PLB1: variants seen among roughly 807,000 people sequenced by gnomAD.
The protein encoded by PLB1 is phospholipase B1, also known as phospholipase B1, membrane-associated.
Under a neutral mutation model 227.4 loss-of-function variants are expected in PLB1, and 242 were observed. The observed-to-expected ratio is 1.06, with a 90% CI of 0.96 to 1.18. PLB1 has a LOEUF of 1.18. Among genes scored for constraint, PLB1 ranks in the 50% most tolerant of loss-of-function variants. The pLI, the probability that PLB1 is intolerant of heterozygous loss-of-function variation, is 0.00. For missense variants in PLB1, 1,858 were observed against 1,816.3 expected, an observed-to-expected ratio of 1.02 and a Z score of -0.42; for synonymous variants, 757 against 682.2, an observed-to-expected ratio of 1.11 and a Z score of -1.71.
At chr2:28,575,975 C>T (rs1297856118) in intron 21 of PLB1, among the ~76,000 whole-genome samples, 1 of 152,102 alleles carries the variant, frequency 6.6e-6, no homozygotes, top group Middle Eastern at 3.2e-3. Context: ...CATATGTGGG[C>T]TGGTAGTATA....
rs142972476 is a variant in PLB1 at position 28,543,216 on chromosome 2, A to T, written c.884A>T (p.Asp295Val). The stretch of plus-strand genomic sequence containing the variant: ...TGTCAACTGGTTCTCTTTTAGGAGG[A>T]CCCCCGACTCCAGGATTCTACCACG... Reference protein sequence around the residue: ...YETTPSLHSEDPRLQDSTTLA... With the variant: ...YETTPSLHSEVPRLQDSTTLA... The change falls in exon 14 of 58, where the codon GAC (aspartate) becomes GTC (valine). Residue 295 changes from aspartate (D) to valine (V), a missense_variant. By Grantham distance (152) the Asp-to-Val change is radical (BLOSUM62 -3). Coordinates refer to ENST00000327757, the MANE Select transcript of PLB1 (RefSeq NM_153021.5). 123 of 1,608,970 alleles carry T rather than the reference A, an allele frequency of 7.6e-5. No homozygotes were observed. The highest frequency in any genetic ancestry group is 1.0e-4 in the Non-Finnish European group (120 of 1,178,176).
chr2:28,612,622 T>C (rs2148316173), intron 43 of PLB1, among the ~76,000 whole-genome samples: 1 of 151,772 alleles, frequency 6.6e-6, no homozygotes, highest in Non-Finnish European at 1.5e-5. Context: ...TTTTTTTTTT[T>C]TTTTGAAACA....
chr2:28,581,217 G>A (rs993765485), intron 23 of PLB1, among the ~76,000 whole-genome samples: 45 of 151,454 alleles, frequency 3.0e-4, no homozygotes, highest in Admixed American at 2.1e-3. Context: ...TGGTGTGGCC[G>A]GTGTTTCACA....
rs778501379 is a variant in PLB1 at position 28,589,481 on chromosome 2, G to T, written c.1847G>T (p.Arg616Leu). ...ACCCACCAACTGATTGAGAGTGGGC[G>T]ATATGACACAAGGGAAGATTTTACT... ...EKTHQLIESG[R>L]YDTREDFTVV... The change falls in exon 27 of 58, where the codon CGA becomes CTA. Residue 616 changes from arginine to leucine, a missense_variant. Arg to Leu is a moderately radical substitution (Grantham distance 102). Transcript: ENST00000327757. 4.3e-6 allele frequency: 7 copies of T among 1,614,178 alleles called. No individual in the cohort carries two copies. The highest frequency in any genetic ancestry group is 5.9e-6 in the Non-Finnish European group (7 of 1,180,030).
At chr2:28,609,931 G>T (rs148630734) in intron 43 of PLB1, among the ~76,000 whole-genome samples, 1 of 151,892 alleles carries the variant, frequency 6.6e-6, no homozygotes, top group Non-Finnish European at 1.5e-5. Context: ...CTAACTAGTC[G>T]CACCTTCCCA....
chr2:28,617,801 T>C lies in PLB1; in HGVS notation c.3256+14T>C, dbSNP rs375772538. The C allele has an allele frequency of 2.4e-5, 38 of 1,610,660 alleles. No homozygotes were observed. The African/African-American group carries it at 4.9e-4, about 21-fold the overall frequency. ...TTCCAACCTCTGGTGAGTGAAAACATCATCATCTCCTTCAATTAAGGGCCT... is the reference window on the plus strand; with the variant it reads ...TTCCAACCTCTGGTGAGTGAAAACACCATCATCTCCTTCAATTAAGGGCCT... On this transcript the variant is annotated intron_variant, in intron 45 of 57. Coordinates refer to ENST00000327757, the MANE Select transcript of PLB1 (RefSeq NM_153021.5).
At chr2:28,525,076 T>C (rs368969586) in intron 4 of PLB1, among the ~76,000 whole-genome samples, 191 bp from the exon 5 acceptor site, 1 of 152,112 alleles carries the variant, frequency 6.6e-6, no homozygotes, top group East Asian at 1.9e-4. Flanking sequence ...CTTGAACTCT[T>C]GATCTCACGT....
chr2:28,578,011 G>GCCTT (rs1237279455), intron 21 of PLB1, 96 bp from the exon 22 acceptor site: 2 of 1,248,774 alleles, frequency 1.6e-6, no homozygotes, highest in Non-Finnish European at 2.3e-6. Flanking sequence ...CCCACCCTGG[G>GCCTT]CCTTCCTCCA....
At chr2:28,543,346 G>A in intron 14 of PLB1, 78 bp downstream of exon 14, 1 of 1,498,944 alleles carries the variant, frequency 6.7e-7, no homozygotes, top group Non-Finnish European at 9.1e-7. Flanking sequence ...CCGTGCTGAG[G>A]AGGGGCTGCA....
intron 30 of PLB1, 74 bp from the exon 31 acceptor site, chr2:28,591,626 T>TG (rs1015646879): frequency 5.4e-5 from 80 of 1,473,750 alleles, no homozygotes; most frequent in South Asian, 4.9e-4. Context: ...TCAAAGTTCT[T>TG]GGGGTACATC....
At chr2:28,579,098 G>A (rs1292994475) in intron 22 of PLB1, among the ~76,000 whole-genome samples, 1 of 152,220 alleles carries the variant, frequency 6.6e-6, no homozygotes, top group Non-Finnish European at 1.5e-5. Context: ...TGTGCTTAGA[G>A]CTGCCACCTT....
At chr2:28,507,445 G>A (rs1667757949) in intron 1 of PLB1, among the ~76,000 whole-genome samples, 1 of 152,114 alleles carries the variant, frequency 6.6e-6, no homozygotes, top group African/African-American at 2.4e-5. Context: ...GACAAAAGGG[G>A]CCAAACTCAT....
At chr2:28,551,567 A>G (rs1032258220) in intron 16 of PLB1, among the ~76,000 whole-genome samples, 15 of 152,220 alleles carry the variant, frequency 9.9e-5, no homozygotes, top group Non-Finnish European at 1.9e-4. Context: ...CTTGACTCAC[A>G]CTAACCAGCA....
intron 4 of PLB1, among the ~76,000 whole-genome samples, chr2:28,524,771 A>G (rs1008332936): frequency 1.3e-5 from 2 of 152,030 alleles, no homozygotes; most frequent in Non-Finnish European, 2.9e-5. Context: ...AACATGCTGC[A>G]GAGGAAGCCA....
At chr2:28,629,035 C>G (rs1688221756) in intron 52 of PLB1, 59 bp from the exon 53 acceptor site, 2 of 1,448,772 alleles carry the variant, frequency 1.4e-6, no homozygotes, top group Non-Finnish European at 1.9e-6. Flanking sequence ...GTAGATGACC[C>G]CCAGGTTCCT....
chr2:28,589,686 T>C lies in PLB1; in HGVS notation c.1932T>C (p.Pro644=), dbSNP rs749780199. 6.2e-7 allele frequency: 1 copy of C among 1,614,144 alleles called. No individual in the cohort carries two copies. Residue 644 remains proline, a synonymous_variant, in exon 28 of 58, where the codon CCT becomes CCC. Coordinates refer to ENST00000327757, the MANE Select transcript of PLB1 (RefSeq NM_153021.5). ...TGCCCGGTGACCAGGAAGGATTGCCTGACAACTCTTTCTTCGCTCCTGACT... is the reference window on the plus strand; with the variant it reads ...TGCCCGGTGACCAGGAAGGATTGCCCGACAACTCTTTCTTCGCTCCTGACT... ...VDMPKTSEGL[P]DNSFFAPDCF... is the part of the protein sequence containing the mutation.
chr2:28,585,814 C>T lies in PLB1; in HGVS notation c.1787C>T (p.Thr596Ile). 4 of 1,611,778 alleles carry T rather than the reference C, an allele frequency of 2.5e-6. No individual in the cohort carries two copies. Among genetic ancestry groups the T allele is most frequent in the Non-Finnish European group, 3.4e-6 (4 of 1,177,898 alleles). The change falls in exon 26 of 58, where the codon ACC (threonine) becomes ATC (isoleucine). Residue 596 changes from threonine (T) to isoleucine (I), a missense_variant. Transcript: ENST00000327757. ...GATGATAACTCAACAGAACTTGCTA[C>T]CCTCATCGAATTCAACAAGAAGTTT... ...KFDDNSTELATLIEFNKKFQE... is the reference protein window; with the variant it reads ...KFDDNSTELAILIEFNKKFQE...
intron 11 of PLB1, 120 bp from the exon 12 acceptor site, chr2:28,540,246 T>C: frequency 1.3e-6 from 1 of 763,568 alleles, no homozygotes; most frequent in Non-Finnish European, 2.3e-6. Context: ...TTATGCTTCT[T>C]CATCCCTACT....
chr2:28,497,877 C>G (rs981797723), intron 1 of PLB1, among the ~76,000 whole-genome samples: 3 of 151,984 alleles, frequency 2.0e-5, no homozygotes, highest in Non-Finnish European at 4.4e-5. Context: ...TGCCGCCGTG[C>G]CTGGCTAATT....
Sources: gnomAD v4.1 joint callset for allele counts (sites outside exome capture counted in the v4.1 genomes callset) on GRCh38, gnomAD v4.1.1 for gene constraint, MANE v1.5 for transcripts, NCBI Gene and HGNC (gene_info 2026-07-23, HGNC 2026-07-21) for gene names.